Variants in TRPS1 observed in about 807,000 individuals in gnomAD.
TRPS1 encodes the protein transcriptional repressor GATA binding 1.
A neutral mutation model predicts 101.2 loss-of-function variants in TRPS1; 6 were observed. The observed-to-expected ratio is 0.06, with a 90% CI of 0.03 to 0.12. The LOEUF (loss-of-function observed/expected upper bound fraction) is 0.12, where lower values mean the gene tolerates loss of function less well. Ranked by LOEUF, TRPS1 falls within the 10% of genes least tolerant of loss-of-function variation. The probability of loss-of-function intolerance (pLI) is 1.00; values close to 1 mark genes in which losing one functional copy is unlikely to be tolerated. For synonymous variants in TRPS1, 578 were observed against 589.8 expected (o/e 0.98, Z 0.29); for missense variants, 1,363 against 1,567.0 (o/e 0.87, Z 2.20).
At chr8:115,450,114 G>A (rs1813831460) in intron 5 of TRPS1, among the ~76,000 whole-genome samples, 1 of 152,184 alleles carries the variant, frequency 6.6e-6, no homozygotes, top group African/African-American at 2.4e-5. Context: ...GCAGAGCCAT[G>A]AGGCTGTGTG....
intron 3 of TRPS1, among the ~76,000 whole-genome samples, chr8:115,611,186 A>G (rs1204516077): frequency 6.6e-6 from 1 of 152,126 alleles, no homozygotes; most frequent in Non-Finnish European, 1.5e-5. Flanking sequence ...TAAACAAGAC[A>G]AAATGCAGTT....
chr8:115,650,753 G>A (rs758292811), intron 1 of TRPS1, among the ~76,000 whole-genome samples: 5 of 152,178 alleles, frequency 3.3e-5, no homozygotes. Context: ...TCACTTGATT[G>A]GCTATCACTG....
chr8:115,576,229 TA>T (rs1173283564), intron 5 of TRPS1, among the ~76,000 whole-genome samples: 1 of 152,028 alleles, frequency 6.6e-6, no homozygotes, highest in Non-Finnish European at 1.5e-5. Context: ...GCTTATAACT[TA>T]TGGATTCTCA....
chr8:115,501,861 T>C (rs916618756), intron 5 of TRPS1, among the ~76,000 whole-genome samples: 13 of 152,172 alleles, frequency 8.5e-5, no homozygotes, highest in African/African-American at 2.9e-4. Flanking sequence ...AGGTCTTCAA[T>C]TGATTTATAA....
chr8:115,570,504 CA>C (rs938105512), intron 5 of TRPS1, among the ~76,000 whole-genome samples: 63 of 151,868 alleles, frequency 4.1e-4, no homozygotes, highest in African/African-American at 1.5e-3. Flanking sequence ...CAACAAGAAA[CA>C]AAAATATAAA....
chr8:115,558,305 C>G (rs527938494), intron 5 of TRPS1, among the ~76,000 whole-genome samples: 2 of 152,078 alleles, frequency 1.3e-5, no homozygotes, highest in African/African-American at 2.4e-5. Context: ...TGAAATAAAG[C>G]TAAAATCTCC....
At chr8:115,560,219 C>T (rs1422695778) in intron 5 of TRPS1, among the ~76,000 whole-genome samples, 1 of 152,030 alleles carries the variant, frequency 6.6e-6, no homozygotes, top group East Asian at 1.9e-4. Flanking sequence ...AAAGGCTATT[C>T]CCACAATTTA....
intron 5 of TRPS1, among the ~76,000 whole-genome samples, chr8:115,483,433 C>T (rs1226938194): frequency 6.6e-6 from 1 of 150,548 alleles, no homozygotes; most frequent in Non-Finnish European, 1.5e-5. Context: ...ACTTGGGAGG[C>T]TGATGTGGGA....
At chr8:115,607,827 C>A (rs1818074862) in intron 3 of TRPS1, among the ~76,000 whole-genome samples, 1 of 152,028 alleles carries the variant, frequency 6.6e-6, no homozygotes, top group Non-Finnish European at 1.5e-5. Context: ...GATGTACACT[C>A]AAGTCATAGC....
At chr8:115,556,386 C>T (rs1297318144) in intron 5 of TRPS1, among the ~76,000 whole-genome samples, 1 of 152,122 alleles carries the variant, frequency 6.6e-6, no homozygotes, top group Non-Finnish European at 1.5e-5. Context: ...CCTATTAACA[C>T]ACCTGCAATG....
intron 5 of TRPS1, among the ~76,000 whole-genome samples, chr8:115,452,966 T>C (rs1298939474): frequency 2.0e-5 from 3 of 152,156 alleles, no homozygotes; most frequent in East Asian, 3.9e-4. Context: ...TCAAAAAAGC[T>C]CAGTGAGCAT....
chr8:115,614,404 C>A (rs1185380999), intron 3 of TRPS1, among the ~76,000 whole-genome samples: 1 of 151,960 alleles, frequency 6.6e-6, no homozygotes, highest in African/African-American at 2.4e-5. Context: ...ATGAACAAGG[C>A]CAAAAAAGAT....
At position 115,604,802 on chromosome 8, in the gene TRPS1, C is replaced by T; in HGVS notation, c.1167G>A (p.Glu389=). Residue 389 remains glutamate, a synonymous_variant, in exon 4 of 7, where the codon GAG becomes GAA. Coordinates refer to ENST00000395715, the MANE Select transcript of TRPS1 (RefSeq NM_014112.5). The surrounding 1 kb of genome is among the most constrained non-coding windows in gnomAD (Gnocchi z 4.1). ...CAGGGATGGACTTGTTAGAGTTTTT[C>T]TCTGAAGGTTTTGCAACCTCAGAGG... ...LPSSEVAKPS[E]KNSNKSIPAL... 1 of 1,613,984 alleles carries T rather than the reference C, an allele frequency of 6.2e-7. No individual in the cohort carries two copies. The highest frequency in any genetic ancestry group is 8.5e-7 in the Non-Finnish European group (1 of 1,179,970).
intron 1 of TRPS1, among the ~76,000 whole-genome samples, chr8:115,653,925 A>G (rs1586498687): frequency 1.3e-5 from 2 of 152,240 alleles, no homozygotes; most frequent in African/African-American, 2.4e-5. Flanking sequence ...CTTAGGTTCA[A>G]CATCTTTCTG....
At chr8:115,415,864 T>C (rs1180767488) in intron 6 of TRPS1, among the ~76,000 whole-genome samples, 2 of 152,164 alleles carry the variant, frequency 1.3e-5, no homozygotes, top group Non-Finnish European at 2.9e-5. Flanking sequence ...AAGCAACAAA[T>C]ACATGCGTGC....
chr8:115,587,733 C>T (rs1433778323), intron 4 of TRPS1, 129 bp from the exon 5 acceptor site: 2 of 1,477,438 alleles, frequency 1.4e-6, no homozygotes, highest in Admixed American at 1.7e-5. Flanking sequence ...ATGCAATATT[C>T]TTAACACCCC....
chr8:115,621,082 AC>A (rs1818382303), intron 2 of TRPS1, among the ~76,000 whole-genome samples: 1 of 152,226 alleles, frequency 6.6e-6, no homozygotes, highest in Non-Finnish European at 1.5e-5. Context: ...GAATACTGGA[AC>A]AAATTCTTCT....
In TRPS1 at chr8:115,643,154, G is replaced by C. The variant is rs1818942269; in HGVS notation, c.-121-19396C>G. On this transcript the variant is annotated intron_variant, in intron 1 of 6. Transcript: ENST00000395715. ...TTGAGCAATTGGTAATCTTTTTGCT[G>C]GTCTTGCCTCATTGTTGATAGCTGC... is the stretch of plus-strand genomic sequence containing the variant. 2.0e-5 allele frequency among the ~76,000 whole-genome samples: 3 copies of C among 152,192 alleles called. No individual in the cohort carries two copies. In the South Asian group the frequency reaches 6.2e-4, roughly 32 times the overall value.
chr8:115,608,203 T>A (rs772155173), intron 3 of TRPS1, among the ~76,000 whole-genome samples: 9 of 152,154 alleles, frequency 5.9e-5, no homozygotes, highest in Non-Finnish European at 1.3e-4. Flanking sequence ...GCTTTCAAAC[T>A]TCCTTCTTTT....
Sources: allele counts gnomAD v4.1 joint callset (sites outside exome capture counted in the v4.1 genomes callset), GRCh38; gene constraint gnomAD v4.1.1; non-coding constraint Gnocchi (gnomAD v3.1); transcripts MANE v1.5; gene names NCBI Gene and HGNC (gene_info 2026-07-23, HGNC 2026-07-21).